NRG3: variants seen among roughly 807,000 people sequenced by gnomAD.
NRG3 encodes neuregulin 3.
NRG3 carries 31 observed loss-of-function variants against 66.9 expected under a neutral mutation model. That is an observed-to-expected ratio of 0.46 (90% CI 0.35 to 0.63). The LOEUF (loss-of-function observed/expected upper bound fraction) is 0.63. Ranked by LOEUF, NRG3 falls within the 20% of genes least tolerant of loss-of-function variation. NRG3 has a pLI of 0.00. For missense variants in NRG3, 910 were observed against 878.9 expected (o/e 1.04, Z -0.45); for synonymous variants, 393 against 359.4 (o/e 1.09, Z -1.06).
chr10:82,135,121 CA>C (rs199531519), intron 1 of NRG3, among the ~76,000 whole-genome samples: 6,954 of 84,046 alleles, frequency 0.083, 166 homozygotes, highest in Middle Eastern at 0.12. Context: ...GACTCCCTCT[CA>C]AAAAAAAAAA....
chr10:81,978,887 A>G (rs902162011), intron 1 of NRG3, among the ~76,000 whole-genome samples: 4 of 151,988 alleles, frequency 2.6e-5, no homozygotes, highest in African/African-American at 9.7e-5. Context: ...ATCTAGCCAT[A>G]ATGTATTTTT....
At chr10:82,785,629 C>T (rs2060327291) in intron 3 of NRG3, among the ~76,000 whole-genome samples, 4 of 152,104 alleles carry the variant, frequency 2.6e-5, no homozygotes, top group Admixed American at 2.6e-4. Context: ...GAAGGCAACA[C>T]TTTAGAGGGA....
At chr10:82,783,601 T>A (rs2060212671) in intron 3 of NRG3, among the ~76,000 whole-genome samples, 1 of 152,026 alleles carries the variant, frequency 6.6e-6, no homozygotes, top group African/African-American at 2.4e-5. Context: ...TGAACTCCCA[T>A]TCACAATTGC....
intron 1 of NRG3, among the ~76,000 whole-genome samples, chr10:82,213,922 C>A (rs895541529): frequency 2.0e-5 from 3 of 152,018 alleles, no homozygotes; most frequent in African/African-American, 7.2e-5. Flanking sequence ...TTGGTAAGAA[C>A]CCTGGTTCTG....
intron 3 of NRG3, among the ~76,000 whole-genome samples, chr10:82,809,865 A>G (rs1413752130): frequency 6.6e-6 from 1 of 151,840 alleles, no homozygotes; most frequent in Non-Finnish European, 1.5e-5. Context: ...TTGTCAATAA[A>G]ACTTCATTAT....
At chr10:82,232,150 C>G (rs574550594) in intron 1 of NRG3, 2 of 152,170 alleles carry the variant, frequency 1.3e-5, no homozygotes, top group Admixed American at 1.3e-4. Flanking sequence ...TCTCTCAAAA[C>G]CCCCAAGTCC....
chr10:82,200,259 TAGC>T (rs962960687), intron 1 of NRG3, among the ~76,000 whole-genome samples: 9 of 152,292 alleles, frequency 5.9e-5, no homozygotes, highest in African/African-American at 2.2e-4. Flanking sequence ...GCAGTAGTAG[TAGC>T]AGCAGCAGTG....
chr10:82,732,761 A>G (rs1325435056), intron 2 of NRG3, among the ~76,000 whole-genome samples: 3 of 152,250 alleles, frequency 2.0e-5, no homozygotes, highest in Admixed American at 6.5e-5. Flanking sequence ...AAGGCAGAGC[A>G]GCCAGGCTTC....
chr10:82,730,574 T>G (rs2057850678), intron 2 of NRG3, among the ~76,000 whole-genome samples: 1 of 152,210 alleles, frequency 6.6e-6, no homozygotes, highest in South Asian at 2.1e-4. Flanking sequence ...CCATTTTAGA[T>G]TCTTTCAATT....
At position 82,700,784 on chromosome 10, in the gene NRG3, A is replaced by G. The variant is rs374135975; in HGVS notation, c.954-37793A>G. On this transcript the variant is annotated intron_variant, in intron 2 of 8. Transcript: ENST00000372141. Reference sequence around the variant, plus strand: ...CATAAATCGTAGTTTTAAACTATCTAGGAAGAATGCAAGGAGTCCAGCAGA... The same window carrying G: ...CATAAATCGTAGTTTTAAACTATCTGGGAAGAATGCAAGGAGTCCAGCAGA... Among the ~76,000 whole-genome samples, 3 of 152,160 alleles carry G rather than the reference A, an allele frequency of 2.0e-5. No individual in the cohort carries two copies. The East Asian group carries it at 5.8e-4, about 29-fold the overall frequency.
intron 1 of NRG3, among the ~76,000 whole-genome samples, chr10:82,342,476 T>A (rs1474200667): frequency 6.6e-6 from 1 of 152,170 alleles, no homozygotes; most frequent in Non-Finnish European, 1.5e-5. Flanking sequence ...TGGTGTAAGA[T>A]GGTATCTCAC....
intron 1 of NRG3, among the ~76,000 whole-genome samples, chr10:82,051,287 A>G (rs2063579031): frequency 6.6e-6 from 1 of 151,600 alleles, no homozygotes; most frequent in African/African-American, 2.4e-5. Flanking sequence ...AACTCAGGAA[A>G]CCAGAGGACT....
At chr10:82,288,733 G>C (rs2079559248) in intron 1 of NRG3, among the ~76,000 whole-genome samples, 1 of 152,200 alleles carries the variant, frequency 6.6e-6, no homozygotes, top group South Asian at 2.1e-4. Flanking sequence ...GTTTGCAGCA[G>C]CACCCAGACC....
chr10:81,981,952 T>G (rs2060347337), intron 1 of NRG3, among the ~76,000 whole-genome samples: 1 of 152,206 alleles, frequency 6.6e-6, no homozygotes. Context: ...ATCCATAATT[T>G]CTTTATGGAG....
At chr10:82,068,473 A>G (rs2064618346) in intron 1 of NRG3, among the ~76,000 whole-genome samples, 1 of 152,226 alleles carries the variant, frequency 6.6e-6, no homozygotes, top group Non-Finnish European at 1.5e-5. Flanking sequence ...CCTGCCCTTG[A>G]GAAGCGTACA....
intron 1 of NRG3, among the ~76,000 whole-genome samples, chr10:81,951,466 T>A (rs1262477811): frequency 6.6e-6 from 1 of 152,198 alleles, no homozygotes; most frequent in Non-Finnish European, 1.5e-5. Flanking sequence ...AAACTCCTAC[T>A]GCTGAGCTTA....
intron 1 of NRG3, among the ~76,000 whole-genome samples, chr10:82,126,257 A>G (rs2132432730): frequency 6.6e-6 from 1 of 152,272 alleles, no homozygotes; most frequent in Non-Finnish European, 1.5e-5. Context: ...AGGAAAATAA[A>G]TTTATTTTTC....
At chr10:81,955,109 T>TA (rs1849700961) in intron 1 of NRG3, among the ~76,000 whole-genome samples, 3 of 149,038 alleles carry the variant, frequency 2.0e-5, no homozygotes, top group African/African-American at 7.3e-5. Context: ...GTTTGTTCTG[T>TA]TATATTAGAC....
chr10:82,221,622 A>G (rs1461335484), intron 1 of NRG3, among the ~76,000 whole-genome samples: 3 of 152,238 alleles, frequency 2.0e-5, no homozygotes, highest in Non-Finnish European at 4.4e-5. Flanking sequence ...AAAGAGAAAA[A>G]GTTAAGCAGT....
Sources: allele counts gnomAD v4.1 joint callset (sites outside exome capture counted in the v4.1 genomes callset), GRCh38; gene constraint gnomAD v4.1.1; transcripts MANE v1.5; gene names NCBI Gene and HGNC (gene_info 2026-07-23, HGNC 2026-07-21).